The following MACROD2 variants were observed in gnomAD, a reference collection of about 807,000 sequenced individuals.
MACROD2 encodes mono-ADP ribosylhydrolase 2, also known as ADP-ribose glycohydrolase MACROD2.
Under a neutral mutation model 70.4 loss-of-function variants are expected in MACROD2, and 36 were observed. The observed-to-expected ratio is 0.51, with a 90% CI of 0.39 to 0.68. The LOEUF (loss-of-function observed/expected upper bound fraction) is 0.68, where lower values mean the gene tolerates loss of function less well. Among genes scored for constraint, MACROD2 ranks in the 30% least tolerant of loss-of-function variants. The pLI is 0.00. For missense variants in MACROD2, 496 were observed against 538.4 expected (o/e 0.92, Z 0.78); for synonymous variants, 172 against 178.8 (o/e 0.96, Z 0.30).
At chr20:14,337,342 A>T in intron 3 of MACROD2, 2 of 308,796 alleles carry the variant, frequency 6.5e-6, no homozygotes, top group Non-Finnish European at 5.9e-6. Flanking sequence ...GTTTCTTTCT[A>T]GAGAGTAAAA....
At chr20:15,145,051 C>T (rs2076220626) in intron 5 of MACROD2, among the ~76,000 whole-genome samples, 1 of 152,114 alleles carries the variant, frequency 6.6e-6, no homozygotes, top group African/African-American at 2.4e-5. Context: ...CAAACTCTAG[C>T]AATGAAAGTT....
chr20:15,862,623 T>C (rs1308569954), intron 8 of MACROD2, 122 bp from the exon 9 acceptor site: 4 of 691,900 alleles, frequency 5.8e-6, no homozygotes, highest in Non-Finnish European at 1.0e-5. Flanking sequence ...ATGATGTAGA[T>C]AGCAGTATAG....
intron 8 of MACROD2, among the ~76,000 whole-genome samples, chr20:15,670,097 A>C (rs1367666603): frequency 6.6e-6 from 1 of 152,214 alleles, no homozygotes; most frequent in African/African-American, 2.4e-5. Context: ...TCAGTAGGTA[A>C]TATGTAGTAC....
intron 8 of MACROD2, among the ~76,000 whole-genome samples, chr20:15,507,527 C>CT (rs2047442984): frequency 7.4e-6 from 1 of 135,962 alleles, no homozygotes; most frequent in Non-Finnish European, 1.6e-5. Flanking sequence ...TTCTTTCTTT[C>CT]TTTTCTTCCC....
At chr20:14,192,306 GA>G (rs1479022905) in intron 3 of MACROD2, among the ~76,000 whole-genome samples, 1 of 151,942 alleles carries the variant, frequency 6.6e-6, no homozygotes, top group East Asian at 1.9e-4. Context: ...TTTATAAATG[GA>G]TCCTATCCCA....
intron 5 of MACROD2, among the ~76,000 whole-genome samples, chr20:15,134,438 G>A (rs2076131003): frequency 6.6e-6 from 1 of 151,934 alleles, no homozygotes; most frequent in Non-Finnish European, 1.5e-5. Flanking sequence ...CAACTACATG[G>A]AAACTGAACA....
In MACROD2 at chr20:15,878,357, G is replaced by T. The variant is rs190666928; in HGVS notation, c.728-7407G>T. Among the ~76,000 whole-genome samples the T allele has an allele frequency of 3.3e-5, 5 of 152,168 alleles. No individual in the cohort carries two copies. In the East Asian group the frequency reaches 9.7e-4, roughly 29 times the overall value. ...GCCAATATTGGTGCTTTGGACCAGTGGCTCTCAAACTTCAGTGTGCATGAG... is the reference window on the plus strand; with the variant it reads ...GCCAATATTGGTGCTTTGGACCAGTTGCTCTCAAACTTCAGTGTGCATGAG... On this transcript the variant is annotated intron_variant, in intron 9 of 17. Transcript: ENST00000684519.
chr20:14,215,628 G>C (rs1424128321), intron 3 of MACROD2, among the ~76,000 whole-genome samples: 1 of 152,056 alleles, frequency 6.6e-6, no homozygotes, highest in Non-Finnish European at 1.5e-5. Context: ...TTTCCCACCA[G>C]CAGTGTAGAA....
Position 14,326,216 on chromosome 20 carries a change from G to A in MACROD2, c.272-167263G>A, listed in dbSNP as rs764297475. Reference sequence around the variant, plus strand: ...CTGAGTCTCAAAGCAGTCATAGGTAGAGCAAGTTTCCAAGAGATATGAATG... The same window carrying A: ...CTGAGTCTCAAAGCAGTCATAGGTAAAGCAAGTTTCCAAGAGATATGAATG... On this transcript the variant is annotated intron_variant, in intron 3 of 17. Coordinates refer to ENST00000684519, the MANE Select transcript of MACROD2 (RefSeq NM_001351661.2). This position sits in a 1 kb window ranked among gnomAD's most constrained non-coding sequence, Gnocchi z 5.5. 4 of 1,613,934 alleles carry A rather than the reference G, an allele frequency of 2.5e-6. 1 individual carries two copies. The South Asian group carries it at 4.4e-5, about 18-fold the overall frequency.
intron 5 of MACROD2, among the ~76,000 whole-genome samples, chr20:14,902,495 G>A (rs2073906478): frequency 6.6e-6 from 1 of 152,120 alleles, no homozygotes; most frequent in Admixed American, 6.5e-5. Context: ...CAGAAAACTA[G>A]CATTTACCCT....
At chr20:15,220,642 GGTGAA>G (rs1338473299) in intron 5 of MACROD2, among the ~76,000 whole-genome samples, 23 of 152,334 alleles carry the variant, frequency 1.5e-4, no homozygotes, top group African/African-American at 5.3e-4. Flanking sequence ...GAGCAACAGA[GGTGAA>G]GTGAATTCAA....
At chr20:15,639,969 GAGAA>G (rs1277661398) in intron 8 of MACROD2, among the ~76,000 whole-genome samples, 7 of 148,174 alleles carry the variant, frequency 4.7e-5, no homozygotes, top group Admixed American at 2.7e-4. Context: ...GAGAAAGAAG[GAGAA>G]AGAAAGAGGG....
chr20:14,450,208 G>A lies in MACROD2; in HGVS notation c.272-43271G>A, dbSNP rs115606811. Among the ~76,000 whole-genome samples the A allele has an allele frequency of 7.5e-3, 1,144 of 152,034 alleles. 12 individuals carry two copies. The highest frequency in any genetic ancestry group is 0.025 in the African/African-American group (1,022 of 41,424). ...CAATGACAATATTAAAAAATAATAC[G>A]TCATCTAAATCACCTTATAACTGAG... is the stretch of plus-strand genomic sequence containing the variant. On this transcript the variant is annotated intron_variant, in intron 3 of 17. Coordinates refer to ENST00000684519, the MANE Select transcript of MACROD2 (RefSeq NM_001351661.2).
Position 15,002,289 on chromosome 20 carries a change from T to G in MACROD2, c.419-227651T>G, listed in dbSNP as rs138777078. On this transcript the variant is annotated intron_variant, in intron 5 of 17. Transcript: ENST00000684519. ...ACACAAACATCTAGTATTTTTTTGT[T>G]TTTTTTGGCTATGGCCATTCTTTTA... is the stretch of plus-strand genomic sequence containing the variant. 4.7e-3 allele frequency among the ~76,000 whole-genome samples: 717 copies of G among 152,248 alleles called. 8 individuals carry two copies. The highest frequency in any genetic ancestry group is 0.017 in the African/African-American group (686 of 41,552).
intron 4 of MACROD2, among the ~76,000 whole-genome samples, chr20:14,551,908 C>T (rs1335796131): frequency 4.6e-5 from 7 of 152,040 alleles, no homozygotes; most frequent in Non-Finnish European, 1.0e-4. Context: ...ATGAATATGT[C>T]TGTAGTTATT....
At chr20:15,319,073 A>T (rs973662317) in intron 6 of MACROD2, among the ~76,000 whole-genome samples, 1 of 152,182 alleles carries the variant, frequency 6.6e-6, no homozygotes, top group East Asian at 1.9e-4. Flanking sequence ...AAAAATCCAC[A>T]AAAAGAGAAA....
chr20:15,078,324 G>A (rs2075675687), intron 5 of MACROD2, among the ~76,000 whole-genome samples: 1 of 152,034 alleles, frequency 6.6e-6, no homozygotes, highest in African/African-American at 2.4e-5. Flanking sequence ...AGTTTCCAAA[G>A]TACCCCTTCT....
At chr20:15,084,852 G>A (rs1489032497) in intron 5 of MACROD2, among the ~76,000 whole-genome samples, 1 of 152,112 alleles carries the variant, frequency 6.6e-6, no homozygotes, top group Non-Finnish European at 1.5e-5. Flanking sequence ...CCTTCAAATT[G>A]ACCTACAGAT....
intron 5 of MACROD2, among the ~76,000 whole-genome samples, chr20:15,043,889 T>C (rs2075373351): frequency 6.6e-6 from 1 of 152,146 alleles, no homozygotes; most frequent in African/African-American, 2.4e-5. Flanking sequence ...AATTCAAGAA[T>C]GGCCAGACAG....
Sources: gnomAD v4.1 joint callset for allele counts (sites outside exome capture counted in the v4.1 genomes callset) on GRCh38, gnomAD v4.1.1 for gene constraint, Gnocchi (gnomAD v3.1) non-coding constraint, MANE v1.5 for transcripts, NCBI Gene and HGNC (gene_info 2026-07-23, HGNC 2026-07-21) for gene names.